Variants in UNC13B observed in about 807,000 individuals in gnomAD.
The protein encoded by UNC13B is unc-13 homolog B.
Under a neutral mutation model 211.0 loss-of-function variants are expected in UNC13B, and 144 were observed. The observed-to-expected ratio is 0.68, with a 90% confidence interval of 0.60 to 0.78. The LOEUF (loss-of-function observed/expected upper bound fraction) is 0.78, where lower values mean the gene tolerates loss of function less well. Ranked by LOEUF, UNC13B falls within the 30% of genes least tolerant of loss-of-function variation. The probability of loss-of-function intolerance (pLI) is 0.00; values close to 1 mark genes in which losing one functional copy is unlikely to be tolerated. For synonymous variants in UNC13B, 709 were observed against 725.8 expected (o/e 0.98, Z 0.37); for missense variants, 1,777 against 2,002.0 (o/e 0.89, Z 2.14).
chr9:35,243,225 T>C, intron 5 of UNC13B, 66 bp from the exon 6 acceptor site: 2 of 1,487,732 alleles, frequency 1.3e-6, no homozygotes, highest in Admixed American at 1.7e-5. Context: ...AGTAAAGTGT[T>C]ATCTGCTGAT....
chr9:35,397,621 TCTC>T lies in UNC13B; in HGVS notation c.11677-10_11677-8del, dbSNP rs765285375. ...GAGTTCCCTTTCCTTTTCTTTCCTT[TCTC>T]CTCTTCTCAGACCATCGGGAAGGTG... On this transcript the variant is annotated splice_polypyrimidine_tract_variant and intron_variant, in intron 29 of 39. Transcript: ENST00000635942. 4.9e-5 allele frequency: 79 copies of T among 1,610,208 alleles called. No homozygotes were observed. Among genetic ancestry groups the T allele is most frequent in the Non-Finnish European group, 6.5e-5 (77 of 1,178,316 alleles).
At position 35,403,828 on chromosome 9, in the gene UNC13B, G is replaced by A. The variant is rs137999033; in HGVS notation, c.12818G>A (p.Arg4273His). The A allele has an allele frequency of 2.5e-5, 40 of 1,614,160 alleles. No individual in the cohort carries two copies. The highest frequency in any genetic ancestry group is 4.0e-5 in the African/African-American group (3 of 75,018). Residue 4273 changes from arginine to histidine, a missense_variant, in exon 40 of 40, where the codon CGC becomes CAC. Transcript: ENST00000635942. The stretch of plus-strand genomic sequence containing the variant: ...GATTACTGCTTTGCCCGGGAAGATC[G>A]CGTGCTAGGGCTGGCTGTGATGCCT... The part of the protein sequence containing the change: ...VKDYCFARED[R>H]VLGLAVMPLR...
At chr9:35,189,643 C>T (rs1450404466) in intron 1 of UNC13B, among the ~76,000 whole-genome samples, 1 of 152,110 alleles carries the variant, frequency 6.6e-6, no homozygotes, top group Non-Finnish European at 1.5e-5. Context: ...AGATTCAGCA[C>T]TTGTAACATT....
chr9:35,402,028 A>G, intron 37 of UNC13B: 1 of 1,549,206 alleles, frequency 6.5e-7, no homozygotes, highest in Non-Finnish European at 8.7e-7. Context: ...CACCGTGCAG[A>G]TATGGATCTA....
chr9:35,298,293 G>GGA (rs1438715023), intron 8 of UNC13B, among the ~76,000 whole-genome samples: 1 of 152,186 alleles, frequency 6.6e-6, no homozygotes, highest in Non-Finnish European at 1.5e-5. Flanking sequence ...GGTGGCGCAT[G>GGA]CCTATGGTCC....
intron 7 of UNC13B, among the ~76,000 whole-genome samples, chr9:35,260,056 A>AAAC (rs1827180335): frequency 6.7e-6 from 1 of 149,546 alleles, no homozygotes; most frequent in African/African-American, 2.4e-5. Flanking sequence ...AAAAAAAAAA[A>AAAC]AAAAAAAACC....
intron 1 of UNC13B, among the ~76,000 whole-genome samples, chr9:35,210,890 G>C (rs1823930553): frequency 6.6e-6 from 1 of 152,070 alleles, no homozygotes; most frequent in South Asian, 2.1e-4. Flanking sequence ...ATGCCCCATA[G>C]AAGTGTTTTG....
At chr9:35,252,667 A>T (rs1237794627) in intron 6 of UNC13B, among the ~76,000 whole-genome samples, 2 of 151,004 alleles carry the variant, frequency 1.3e-5, no homozygotes, top group Non-Finnish European at 2.9e-5. Context: ...TATAAAAAAA[A>T]TTTTCTCAAT....
intron 7 of UNC13B, among the ~76,000 whole-genome samples, chr9:35,264,213 C>G (rs1827444117): frequency 6.6e-6 from 1 of 152,086 alleles, no homozygotes; most frequent in African/African-American, 2.4e-5. Context: ...AGGAGAGCTA[C>G]AGAGAAAACT....
At position 35,308,069 on chromosome 9, in the gene UNC13B, G is replaced by A; in HGVS notation, c.8665G>A (p.Gly2889Arg). The change falls in exon 9 of 40, where the codon GGG becomes AGG. Residue 2889 changes from glycine (G) to arginine (R), a missense_variant. By Grantham distance (125) the Gly-to-Arg change is moderately radical. Transcript: ENST00000635942. ...AGCTTTGAAGTCTTCTCAAATATCT[G>A]GGGCCAGTGCTCAGCCAGGTAAAGT... ...NKALKSSQIS[G>R]ASAQPGKVYT... 2.5e-6 allele frequency: 1 copy of A among 399,162 alleles called. No individual in the cohort carries two copies. Among genetic ancestry groups the A allele is most frequent in the Non-Finnish European group, 4.4e-6 (1 of 226,236 alleles). The allele number at this position is 399,162 out of a possible 1,614,324, so 24.7% of individuals were successfully genotyped here. A position where few individuals can be genotyped will look rare whatever the true frequency, so the allele number is the denominator to read the frequency against.
At chr9:35,163,601 T>C (rs1820884996) in intron 1 of UNC13B, among the ~76,000 whole-genome samples, 1 of 152,216 alleles carries the variant, frequency 6.6e-6, no homozygotes, top group Admixed American at 6.5e-5. Context: ...TTGGGAGAGG[T>C]TGGACTTTGC....
In UNC13B at chr9:35,243,350, G is replaced by T. The variant is rs770046489; in HGVS notation, c.454G>T (p.Gly152Ter). The part of the protein sequence containing the change: ...TYKWEQINAL[G>*]ADNEYSSQEE... ...CAAATGGGAGCAAATCAATGCCTTGGGAGCTGACAATGAGGTAGGAGCAGC... is the reference window on the plus strand; with the variant it reads ...CAAATGGGAGCAAATCAATGCCTTGTGAGCTGACAATGAGGTAGGAGCAGC... The change falls in exon 6 of 40, where the codon GGA becomes TGA. Residue 152 changes from glycine (G) to a stop codon, truncating the protein, a stop_gained. Transcript: ENST00000635942. LOFTEE classifies it high-confidence loss of function. 3 of 1,613,428 alleles carry T rather than the reference G, an allele frequency of 1.9e-6. No homozygotes were observed. Among genetic ancestry groups the T allele is most frequent in the Admixed American group, 1.7e-5 (1 of 59,916 alleles).
At chr9:35,369,554 G>A (rs917358816) in intron 12 of UNC13B, among the ~76,000 whole-genome samples, 4 of 152,222 alleles carry the variant, frequency 2.6e-5, no homozygotes, top group Non-Finnish European at 4.4e-5. Flanking sequence ...TAGAAAAGGT[G>A]TAAAAGTTTT....
At chr9:35,378,491 A>T in intron 17 of UNC13B, 55 bp downstream of exon 17, 2 of 1,606,390 alleles carry the variant, frequency 1.2e-6, no homozygotes, top group Non-Finnish European at 1.7e-6. Flanking sequence ...GGGGAGCAGG[A>T]TCACATCCTG....
chr9:35,352,357 C>T (rs1409098205), intron 11 of UNC13B: 1 of 1,232,010 alleles, frequency 8.1e-7, no homozygotes, highest in Non-Finnish European at 1.0e-6. Context: ...TGAAGCTTGC[C>T]CATCTAGAGC....
rs975074601 is a variant in UNC13B, at chr9:35,405,134, C to T, written c.*1101C>T. On this transcript the variant is annotated 3_prime_UTR_variant, in exon 40 of 40. Coordinates refer to ENST00000635942, the MANE Select transcript of UNC13B (RefSeq NM_001371189.2). ...GTTTCAGAGAGTCAGATGGACTTCCCAAGACTTGTTGAGAGATGTGACATG... is the reference window on the plus strand; with the variant it reads ...GTTTCAGAGAGTCAGATGGACTTCCTAAGACTTGTTGAGAGATGTGACATG... 1 of 152,616 alleles carries T rather than the reference C, an allele frequency of 6.6e-6. No homozygotes were observed. The highest frequency in any genetic ancestry group is 1.5e-5 in the Non-Finnish European group (1 of 68,084). The allele number at this position is 152,616 out of a possible 1,614,324, so 9.5% of individuals were successfully genotyped here.
intron 7 of UNC13B, among the ~76,000 whole-genome samples, chr9:35,284,496 T>C (rs1473597055): frequency 1.3e-5 from 2 of 152,252 alleles, no homozygotes; most frequent in Non-Finnish European, 2.9e-5. Flanking sequence ...TTCTAAAATA[T>C]AACCTACTTG....
chr9:35,199,145 A>G (rs1268300597), intron 1 of UNC13B, among the ~76,000 whole-genome samples: 1 of 152,032 alleles, frequency 6.6e-6, no homozygotes, highest in African/African-American at 2.4e-5. Flanking sequence ...TTCCAGCTTC[A>G]TTCATGTCCC....
rs566843691 is a variant in UNC13B at position 35,173,681 on chromosome 9, C to T, written c.22+11376C>T. 8.5e-5 allele frequency among the ~76,000 whole-genome samples: 13 copies of T among 152,300 alleles called. No individual in the cohort carries two copies. The South Asian group carries it at 2.5e-3, about 29-fold the overall frequency. ...TCATGTAATCCGCCCGCCTCAGCCT[C>T]CCAAAGTGTTAGGATTACAGGCGTG... On this transcript the variant is annotated intron_variant, in intron 1 of 39. Coordinates refer to ENST00000635942, the MANE Select transcript of UNC13B (RefSeq NM_001371189.2).
Sources: gnomAD v4.1 joint callset for allele counts (sites outside exome capture counted in the v4.1 genomes callset) on GRCh38, gnomAD v4.1.1 for gene constraint, MANE v1.5 for transcripts, NCBI Gene and HGNC (gene_info 2026-07-23, HGNC 2026-07-21) for gene names.